COG5: variants seen among roughly 807,000 people sequenced by gnomAD.
COG5 encodes the protein component of oligomeric golgi complex 5, also known as conserved oligomeric Golgi complex subunit 5.
A neutral mutation model predicts 110.4 loss-of-function variants in COG5; 86 were observed. The ratio of observed to expected loss-of-function variants is 0.78; its 90% CI spans 0.65 to 0.93. COG5 has a LOEUF of 0.93. Among genes scored for constraint, COG5 ranks in the 40% least tolerant of loss-of-function variants. The pLI is 0.00. For synonymous variants in COG5, 360 were observed against 334.6 expected (o/e 1.08, Z -0.83); for missense variants, 1,077 against 987.0 (o/e 1.09, Z -1.22).
chr7:107,485,477 T>C (rs1395002180), intron 6 of COG5, among the ~76,000 whole-genome samples: 1 of 152,240 alleles, frequency 6.6e-6, no homozygotes, highest in African/African-American at 2.4e-5. Context: ...GTACTATTTA[T>C]ATTAACACAT....
chr7:107,409,621 AGT>A (rs1215853604), intron 7 of COG5, among the ~76,000 whole-genome samples: 2 of 152,228 alleles, frequency 1.3e-5, no homozygotes, highest in African/African-American at 4.8e-5. Context: ...GAGAAATTTT[AGT>A]ATCTTTGTTT....
chr7:107,316,234 G>A (rs151304641), intron 11 of COG5, among the ~76,000 whole-genome samples: 1 of 152,076 alleles, frequency 6.6e-6, no homozygotes, highest in Admixed American at 6.5e-5. Flanking sequence ...TAGGTTTATA[G>A]CTGAGGAAAA....
chr7:107,372,677 T>G lies in COG5; in HGVS notation c.753A>C (p.Gly251=), dbSNP rs766412144. The G allele has an allele frequency of 2.5e-6, 4 of 1,613,468 alleles. No homozygotes were observed. In the East Asian group the frequency reaches 8.9e-5, roughly 36 times the overall value. ...TATTTTCTTCTAAAGTAGCACAATA[T>G]CCATCCACAACACTGGTAATAGTAT... The part of the protein sequence containing the change: ...LKDTITSVVD[G]YCATLEENIN... Residue 251 remains glycine, a synonymous_variant, in exon 8 of 22, where the codon GGA becomes GGC. Transcript: ENST00000297135.
intron 3 of COG5, among the ~76,000 whole-genome samples, chr7:107,551,383 A>G (rs1194811389): frequency 6.6e-6 from 1 of 152,242 alleles, no homozygotes; most frequent in African/African-American, 2.4e-5. Context: ...ATTTGGAAGA[A>G]TATTTTTAAA....
chr7:107,342,385 AAC>A (rs1811240077), intron 10 of COG5, among the ~76,000 whole-genome samples: 1 of 151,278 alleles, frequency 6.6e-6, no homozygotes. Flanking sequence ...AAAAAAAAAA[AAC>A]ACACCACAGG....
At chr7:107,384,517 C>T (rs1206400534) in intron 7 of COG5, among the ~76,000 whole-genome samples, 1 of 152,124 alleles carries the variant, frequency 6.6e-6, no homozygotes, top group Admixed American at 6.5e-5. Flanking sequence ...CCCTGTTTTC[C>T]CCCTTTTCCC....
At chr7:107,560,650 A>G (rs1803701016) in intron 1 of COG5, among the ~76,000 whole-genome samples, 1 of 152,250 alleles carries the variant, frequency 6.6e-6, no homozygotes, top group African/African-American at 2.4e-5. Flanking sequence ...TACCAGAGGA[A>G]AAGATTAGGA....
chr7:107,561,027 C>G lies in COG5; in HGVS notation c.94+2776G>C, dbSNP rs112351177. ...AAGCAATCAAAGAGACTAAAGAGTGCTCAGGGAGAAAGAGAAACAAAAAAG... is the reference window on the plus strand; with the variant it reads ...AAGCAATCAAAGAGACTAAAGAGTGGTCAGGGAGAAAGAGAAACAAAAAAG... On this transcript the variant is annotated intron_variant, in intron 1 of 21. Transcript: ENST00000297135. Among the ~76,000 whole-genome samples the G allele has an allele frequency of 6.6e-5, 10 of 151,792 alleles. 3 individuals are homozygous for G. Among genetic ancestry groups the G allele is most frequent in the African/African-American group, 2.4e-4 (10 of 41,274 alleles).
intron 10 of COG5, among the ~76,000 whole-genome samples, chr7:107,345,714 T>G (rs908907267): frequency 6.6e-6 from 1 of 152,192 alleles, no homozygotes; most frequent in Non-Finnish European, 1.5e-5. Context: ...TTGATAAGTT[T>G]TAAGTAATGT....
At chr7:107,280,500 C>A (rs942735700) in intron 14 of COG5, among the ~76,000 whole-genome samples, 1 of 151,856 alleles carries the variant, frequency 6.6e-6, no homozygotes, top group African/African-American at 2.4e-5. Flanking sequence ...GGTATTTCAA[C>A]CGGGAATGGT....
chr7:107,524,129 C>T (rs1242363585), intron 6 of COG5, among the ~76,000 whole-genome samples: 1 of 152,198 alleles, frequency 6.6e-6, no homozygotes, highest in African/African-American at 2.4e-5. Flanking sequence ...ACACACAACA[C>T]TGACGAATTT....
intron 6 of COG5, among the ~76,000 whole-genome samples, chr7:107,505,717 G>A (rs182648954): frequency 3.9e-4 from 59 of 152,314 alleles, no homozygotes; most frequent in Middle Eastern, 3.4e-3. Context: ...TCCCACCAGT[G>A]GAAAGATCTG....
At chr7:107,217,192 T>A (rs1360912191) in intron 19 of COG5, among the ~76,000 whole-genome samples, 3 of 151,454 alleles carry the variant, frequency 2.0e-5, no homozygotes, top group Non-Finnish European at 4.4e-5. Context: ...AAAACAGAAA[T>A]AGAACAAACA....
At chr7:107,376,829 T>C (rs1814677997) in intron 7 of COG5, among the ~76,000 whole-genome samples, 1 of 152,118 alleles carries the variant, frequency 6.6e-6, no homozygotes, top group Non-Finnish European at 1.5e-5. Flanking sequence ...GTATTTTTAA[T>C]CATGAATTGA....
At chr7:107,469,860 C>A (rs745713476) in intron 6 of COG5, among the ~76,000 whole-genome samples, 68 of 152,144 alleles carry the variant, frequency 4.5e-4, no homozygotes, top group Non-Finnish European at 8.7e-4. Context: ...CTAATTTACA[C>A]ATATTCTATT....
At chr7:107,399,533 T>C (rs1490051046) in intron 7 of COG5, among the ~76,000 whole-genome samples, 4 of 152,180 alleles carry the variant, frequency 2.6e-5, no homozygotes, top group Non-Finnish European at 4.4e-5. Flanking sequence ...CCTGCCACCA[T>C]GTAAGACATG....
chr7:107,432,849 A>T (rs1245368794), intron 6 of COG5, among the ~76,000 whole-genome samples: 1 of 152,162 alleles, frequency 6.6e-6, no homozygotes, highest in African/African-American at 2.4e-5. Flanking sequence ...AGGCAAGAAA[A>T]GAAATAAAAG....
intron 11 of COG5, among the ~76,000 whole-genome samples, chr7:107,308,080 T>A (rs559044124): frequency 6.6e-6 from 1 of 152,294 alleles, no homozygotes; most frequent in South Asian, 2.1e-4. Flanking sequence ...ATCATCAACC[T>A]AATCTGTAGT....
intron 6 of COG5, among the ~76,000 whole-genome samples, chr7:107,415,694 G>A (rs1792674626): frequency 6.7e-6 from 1 of 149,650 alleles, no homozygotes; most frequent in Admixed American, 6.7e-5. Flanking sequence ...ACATACATAG[G>A]GATATATGTA....
Sources: gnomAD v4.1 joint callset for allele counts (sites outside exome capture counted in the v4.1 genomes callset) on GRCh38, gnomAD v4.1.1 for gene constraint, MANE v1.5 for transcripts, NCBI Gene and HGNC (gene_info 2026-07-23, HGNC 2026-07-21) for gene names.